Variants in PLEKHB2 observed in about 807,000 individuals in gnomAD.
PLEKHB2 encodes the protein pleckstrin homology domain containing B2, also known as pleckstrin homology domain-containing family B member 2.
A neutral mutation model predicts 36.5 loss-of-function variants in PLEKHB2; 31 were observed. The observed-to-expected ratio is 0.85, with a 90% confidence interval of 0.64 to 1.15. The LOEUF (loss-of-function observed/expected upper bound fraction) is 1.15. PLEKHB2 is among the 50% of genes most tolerant of loss of function. PLEKHB2 has a pLI of 0.00. For synonymous variants in PLEKHB2, 119 were observed against 112.0 expected, an observed-to-expected ratio of 1.06 and a Z score of -0.39; for missense variants, 262 against 295.3, an observed-to-expected ratio of 0.89 and a Z score of 0.83.
chr2:131,142,277 G>A (rs1698865708), intron 7 of PLEKHB2, among the ~76,000 whole-genome samples: 1 of 152,198 alleles, frequency 6.6e-6, no homozygotes, highest in African/African-American at 2.4e-5. Flanking sequence ...ATGAAACAGT[G>A]TTATTTGAGG....
chr2:131,135,903 C>T (rs1048591651), intron 6 of PLEKHB2, among the ~76,000 whole-genome samples: 9 of 152,050 alleles, frequency 5.9e-5, no homozygotes, highest in African/African-American at 1.4e-4. Context: ...CCACCGCGCC[C>T]GGCCAGTGTA....
intron 1 of PLEKHB2, among the ~76,000 whole-genome samples, chr2:131,115,341 CTTTTTTTTTTTTTT>C (rs1179533654): frequency 4.5e-4 from 29 of 64,564 alleles, no homozygotes; most frequent in African/African-American, 9.3e-4. Flanking sequence ...GAAAGTATGT[CTTTTTTTTTTTTTT>C]TTTTTTTTTT....
At chr2:131,115,659 A>T (rs1361258370) in intron 1 of PLEKHB2, among the ~76,000 whole-genome samples, 4 of 151,998 alleles carry the variant, frequency 2.6e-5, no homozygotes, top group Non-Finnish European at 5.9e-5. Context: ...TCCAGAAGGT[A>T]TGTCTTTTCT....
chr2:131,122,721 G>T (rs1696641217), intron 2 of PLEKHB2, among the ~76,000 whole-genome samples: 2 of 152,188 alleles, frequency 1.3e-5, no homozygotes, highest in Non-Finnish European at 2.9e-5. Flanking sequence ...GTGTGTCTGT[G>T]ACTAGTTCCA....
chr2:131,126,037 A>G, intron 3 of PLEKHB2, 132 bp downstream of exon 3: 1 of 850,344 alleles, frequency 1.2e-6, no homozygotes, highest in Non-Finnish European at 1.8e-6. Flanking sequence ...AGGGGCGACC[A>G]CAGTGGGGCC....
At chr2:131,135,203 C>G (rs1272726279) in intron 6 of PLEKHB2, among the ~76,000 whole-genome samples, 1 of 151,830 alleles carries the variant, frequency 6.6e-6, no homozygotes, top group Non-Finnish European at 1.5e-5. Context: ...TCCTGAGTAG[C>G]CGGGATTACA....
At position 131,125,829 on chromosome 2, in the gene PLEKHB2, G is replaced by A. The variant is rs761323120; in HGVS notation, c.114G>A (p.Gln38=). 8 of 1,613,438 alleles carry A rather than the reference G, an allele frequency of 5.0e-6. No individual in the cohort carries two copies. The highest frequency in any genetic ancestry group is 6.8e-6 in the Non-Finnish European group (8 of 1,179,624). Residue 38 remains glutamine (Q), a synonymous_variant, in exon 3 of 8, where the codon CAG becomes CAA. Coordinates refer to ENST00000693505, the MANE Select transcript of PLEKHB2 (RefSeq NM_001100623.2). ...GTCACCTGATCTATTATGATGACCAGACTCGGCAGAATATCGAGGATAAGG... is the reference window on the plus strand; with the variant it reads ...GTCACCTGATCTATTATGATGACCAAACTCGGCAGAATATCGAGGATAAGG... The part of the protein sequence containing the change: ...SDGHLIYYDD[Q]TRQNIEDKVH...
chr2:131,116,996 C>G lies in PLEKHB2; in HGVS notation c.-8-3938C>G, dbSNP rs113462015. On this transcript the variant is annotated intron_variant, in intron 1 of 7. Coordinates refer to ENST00000693505, the MANE Select transcript of PLEKHB2 (RefSeq NM_001100623.2). ...TAAAAATTAGCTGGGTGTGGTGACA[C>G]CTGTAATCGCAGCTGCTTGGGAGGC... Among the ~76,000 whole-genome samples, 941 of 152,076 alleles carry G rather than the reference C, an allele frequency of 6.2e-3. 9 individuals are homozygous for G. Among genetic ancestry groups the G allele is most frequent in the African/African-American group, 0.022 (917 of 41,454 alleles).
intron 7 of PLEKHB2, among the ~76,000 whole-genome samples, chr2:131,146,238 G>A (rs78639111): frequency 0.028 from 4,255 of 152,022 alleles, 193 homozygotes; most frequent in African/African-American, 0.097. Context: ...ATTGGTTTGC[G>A]TGCATACTAA....
chr2:131,124,091 C>T (rs534398556), intron 2 of PLEKHB2, among the ~76,000 whole-genome samples: 11 of 152,058 alleles, frequency 7.2e-5, no homozygotes, highest in African/African-American at 2.7e-4. Context: ...GTGATCCTTC[C>T]ACTTCAGCCT....
At chr2:131,138,147 C>T (rs1467688396) in intron 6 of PLEKHB2, among the ~76,000 whole-genome samples, 1 of 150,170 alleles carries the variant, frequency 6.7e-6, no homozygotes, top group Non-Finnish European at 1.5e-5. Context: ...TGGGCCCATT[C>T]ATTGAACTAT....
chr2:131,116,089 A>C (rs185648306), intron 1 of PLEKHB2, among the ~76,000 whole-genome samples: 2 of 152,354 alleles, frequency 1.3e-5, no homozygotes, highest in African/African-American at 4.8e-5. Context: ...TTCTGTTGCT[A>C]ATTCCAGTTT....
chr2:131,121,959 C>T (rs569831705), intron 2 of PLEKHB2, among the ~76,000 whole-genome samples: 77 of 152,144 alleles, frequency 5.1e-4, no homozygotes, highest in African/African-American at 1.6e-3. Context: ...GTTGCCCAGG[C>T]GCGATCTTGG....
intron 4 of PLEKHB2, among the ~76,000 whole-genome samples, chr2:131,128,923 A>T (rs542304865): frequency 1.1e-4 from 17 of 151,102 alleles, no homozygotes; most frequent in African/African-American, 3.9e-4. Flanking sequence ...TCTATATAAG[A>T]TATATGAATA....
chr2:131,126,001 C>A, intron 3 of PLEKHB2, 96 bp downstream of exon 3: 1 of 1,247,164 alleles, frequency 8.0e-7, no homozygotes, highest in Non-Finnish European at 1.1e-6. Flanking sequence ...CTTTCATTAA[C>A]AGATTGAAGA....
chr2:131,128,058 C>A (rs1365946086), intron 4 of PLEKHB2, among the ~76,000 whole-genome samples: 1 of 152,188 alleles, frequency 6.6e-6, no homozygotes, highest in Non-Finnish European at 1.5e-5. Context: ...AAAAGACTTA[C>A]TCGGTCTCAG....
intron 4 of PLEKHB2, among the ~76,000 whole-genome samples, chr2:131,127,445 C>T (rs375795674): frequency 6.6e-5 from 10 of 152,310 alleles, no homozygotes; most frequent in African/African-American, 1.7e-4. Context: ...CACCTTAATT[C>T]ACTATGACCT....
chr2:131,114,774 C>A (rs1695683383), intron 1 of PLEKHB2, among the ~76,000 whole-genome samples: 1 of 152,120 alleles, frequency 6.6e-6, no homozygotes. Context: ...CAGCCTGGAC[C>A]TTATTGTCCA....
intron 7 of PLEKHB2, chr2:131,144,525 T>G: frequency 1.8e-6 from 1 of 553,148 alleles, no homozygotes; most frequent in African/African-American, 1.9e-5. Flanking sequence ...TTTTCTTAAT[T>G]CCCTGATTTG....
Sources: gnomAD v4.1 joint callset for allele counts (sites outside exome capture counted in the v4.1 genomes callset) on GRCh38, gnomAD v4.1.1 for gene constraint, MANE v1.5 for transcripts, NCBI Gene and HGNC (gene_info 2026-07-23, HGNC 2026-07-21) for gene names.